DMD: variants seen among roughly 807,000 people sequenced by gnomAD.
DMD encodes mutant dystrophin.
In DMD, 63 loss-of-function variants were observed where a neutral mutation model predicts 330.1. The observed-to-expected ratio is 0.19, with a 90% CI of 0.16 to 0.24. The LOEUF (loss-of-function observed/expected upper bound fraction) is 0.24, where lower values mean the gene tolerates loss of function less well. Among genes scored for constraint, DMD ranks in the 10% least tolerant of loss-of-function variants. The pLI is 1.00. For missense variants in DMD, 3,344 were observed against 2,684.1 expected (o/e 1.25, Z -5.43); for synonymous variants, 1,223 against 959.8 (o/e 1.27, Z -5.07).
chrX:33,235,096 G>C (rs901142427), intron 1 of DMD, among the ~76,000 whole-genome samples: 4 of 111,886 alleles, frequency 3.6e-5, no homozygotes, highest in African/African-American at 1.3e-4. Context: ...TTGGGATTGG[G>C]GGTAACTAAG....
At chrX:32,376,433 T>C (rs1036618165) in intron 34 of DMD, among the ~76,000 whole-genome samples, 1 of 111,859 alleles carries the variant, frequency 8.9e-6, no homozygotes, top group African/African-American at 3.3e-5. Context: ...TTTTATTAAT[T>C]CTGTGTATTT....
chrX:31,187,854 C>T (rs2041961467), intron 67 of DMD, among the ~76,000 whole-genome samples: 1 of 109,692 alleles, frequency 9.1e-6, no homozygotes, highest in South Asian at 4.0e-4. Flanking sequence ...ATGGCTCTCG[C>T]ATAGGGGCCT....
intron 12 of DMD, among the ~76,000 whole-genome samples, chrX:32,603,405 A>C (rs2056395968): frequency 9.0e-6 from 1 of 111,587 alleles, no homozygotes; most frequent in African/African-American, 3.2e-5. Context: ...CTACACCAAA[A>C]AGATAGAAAG....
intron 41 of DMD, among the ~76,000 whole-genome samples, chrX:32,316,448 T>C (rs1158854026): frequency 9.0e-6 from 1 of 111,456 alleles, no homozygotes; most frequent in African/African-American, 3.2e-5. Context: ...TGTTATACTT[T>C]AAATATATTT....
At chrX:31,807,922 CT>C (rs1343052688) in intron 50 of DMD, among the ~76,000 whole-genome samples, 2 of 111,511 alleles carry the variant, frequency 1.8e-5, no homozygotes, top group Non-Finnish European at 3.8e-5. Flanking sequence ...CACTTAGTAG[CT>C]GGGTGTTTTT....
intron 9 of DMD, among the ~76,000 whole-genome samples, chrX:32,649,217 T>G (rs1280968705): frequency 1.8e-5 from 2 of 109,821 alleles, no homozygotes; most frequent in African/African-American, 3.3e-5. Context: ...TTAGGAAGTA[T>G]TAGATATTGT....
At chrX:31,925,865 C>T (rs2094766259) in intron 47 of DMD, among the ~76,000 whole-genome samples, 1 of 92,773 alleles carries the variant, frequency 1.1e-5, no homozygotes, top group South Asian at 5.2e-4. Context: ...GAGCAAAACT[C>T]TGTCTCAAAA....
At chrX:33,076,646 A>G (rs184357931) in intron 1 of DMD, among the ~76,000 whole-genome samples, 2 of 112,307 alleles carry the variant, frequency 1.8e-5, no homozygotes, top group African/African-American at 6.5e-5. Context: ...TAGCACTTTA[A>G]TAAATACTAT....
At chrX:32,782,948 A>G (rs766896614) in intron 7 of DMD, among the ~76,000 whole-genome samples, 2 of 97,309 alleles carry the variant, frequency 2.1e-5, no homozygotes, top group East Asian at 3.0e-4. Context: ...AAAATTATAT[A>G]CACACACACA....
rs772624980 is a variant in DMD at position 31,922,824 on chromosome X, T to C, written c.6912+6772A>G. ...AAGTTAAATGTCACGTATTCTTATA[T>C]ACTATTGTCATTAAAGAGTGATTAA... On this transcript the variant is annotated intron_variant, in intron 47 of 78. Coordinates refer to ENST00000357033, the MANE Select transcript of DMD (RefSeq NM_004006.3). Among the ~76,000 whole-genome samples, 16 of 112,090 alleles carry C rather than the reference T, an allele frequency of 1.4e-4. No homozygotes were observed. The Admixed American group carries it at 1.5e-3, about 11-fold the overall frequency.
intron 1 of DMD, among the ~76,000 whole-genome samples, chrX:33,118,325 T>G (rs1026556213): frequency 3.1e-4 from 34 of 109,739 alleles, no homozygotes; most frequent in African/African-American, 1.1e-3. Context: ...TTAGCCAGGA[T>G]GGTCTCGATC....
At chrX:31,381,667 C>T (rs935106597) in intron 60 of DMD, among the ~76,000 whole-genome samples, 4 of 111,524 alleles carry the variant, frequency 3.6e-5, no homozygotes, top group Non-Finnish European at 7.5e-5. Context: ...CTTTCCTGTT[C>T]CTCACCCTGA....
chrX:32,909,280 C>T (rs556431006), intron 2 of DMD, among the ~76,000 whole-genome samples: 59 of 110,430 alleles, frequency 5.3e-4, no homozygotes, highest in African/African-American at 1.9e-3. Context: ...TTACAAGAAA[C>T]TCTACTGGAT....
chrX:31,592,284 T>C (rs1185208254), intron 55 of DMD, among the ~76,000 whole-genome samples: 1 of 107,152 alleles, frequency 9.3e-6, no homozygotes, highest in Non-Finnish European at 1.9e-5. Flanking sequence ...AGTTAAAACA[T>C]ACATATATTC....
chrX:32,470,332 A>G (rs770777363), intron 22 of DMD, among the ~76,000 whole-genome samples: 3 of 111,025 alleles, frequency 2.7e-5, no homozygotes, highest in Non-Finnish European at 5.7e-5. Flanking sequence ...ATGCTTCTCC[A>G]CCTAAATTTT....
chrX:32,850,940 T>A (rs2081089250), intron 2 of DMD, among the ~76,000 whole-genome samples: 1 of 110,935 alleles, frequency 9.0e-6, no homozygotes, highest in Admixed American at 9.6e-5. Context: ...AAAATATTCC[T>A]AAAAGGTACT....
intron 44 of DMD, among the ~76,000 whole-genome samples, chrX:32,100,758 C>T (rs776499337): frequency 1.8e-5 from 2 of 111,445 alleles, no homozygotes. Context: ...CTTTTGGGAG[C>T]TTGGTCCCAT....
intron 30 of DMD, among the ~76,000 whole-genome samples, chrX:32,404,974 A>C (rs761055837): frequency 2.0e-4 from 22 of 111,734 alleles, no homozygotes; most frequent in Non-Finnish European, 3.8e-4. Flanking sequence ...AAAAATCAAA[A>C]TAGGAGAGAA....
At chrX:33,039,772 G>A (rs971058334) in intron 1 of DMD, among the ~76,000 whole-genome samples, 2 of 111,155 alleles carry the variant, frequency 1.8e-5, no homozygotes, top group Admixed American at 9.6e-5. Flanking sequence ...AAATACTTAC[G>A]CTTTCCATCA....
Sources: allele counts gnomAD v4.1 joint callset (sites outside exome capture counted in the v4.1 genomes callset), GRCh38; gene constraint gnomAD v4.1.1; transcripts MANE v1.5; gene names NCBI Gene and HGNC (gene_info 2026-07-23, HGNC 2026-07-21).